IARS2: variants seen among roughly 807,000 people sequenced by gnomAD.
IARS2 encodes isoleucine--tRNA ligase, mitochondrial.
Under a neutral mutation model 126.3 loss-of-function variants are expected in IARS2, and 56 were observed. The observed-to-expected ratio is 0.44, with a 90% CI of 0.36 to 0.55. The LOEUF (loss-of-function observed/expected upper bound fraction) is 0.55. IARS2 is among the 20% of genes least tolerant of loss of function. The pLI is 0.00. For missense variants in IARS2, 1,127 were observed against 1,245.9 expected (o/e 0.90, Z 1.44); for synonymous variants, 407 against 441.1 (o/e 0.92, Z 0.97).
At position 220,102,170 on chromosome 1, in the gene IARS2, G is replaced by A. The variant is rs1656589985; in HGVS notation, c.592G>A (p.Ala198Thr). 2.5e-6 allele frequency: 4 copies of A among 1,610,608 alleles called. No homozygotes were observed. The highest frequency in any genetic ancestry group is 1.3e-5 in the African/African-American group (1 of 74,604). ...AKAAIEKQKS[A>T]FIRWGIMADW... ...AGCAGCCATTGAGAAACAGAAATCA[G>A]CATTTATTCGTTGGGGAATAATGGC... Residue 198 changes from alanine (A) to threonine (T), a missense_variant, in exon 4 of 23, where the codon GCA becomes ACA. Physicochemically the swap from Ala to Thr is moderately conservative, Grantham distance 58. Transcript: ENST00000366922.
chr1:220,108,600 C>T (rs1445273422), intron 10 of IARS2, among the ~76,000 whole-genome samples: 4 of 151,830 alleles, frequency 2.6e-5, no homozygotes, highest in African/African-American at 9.7e-5. Context: ...TTAGCCAGGA[C>T]GGTCTCGATC....
chr1:220,095,755 A>G (rs1020270607), intron 1 of IARS2, among the ~76,000 whole-genome samples: 2 of 152,220 alleles, frequency 1.3e-5, no homozygotes, highest in Non-Finnish European at 2.9e-5. Context: ...TGTGTCGGGA[A>G]TCTGCAGGTC....
chr1:220,102,550 A>G lies in IARS2; in HGVS notation c.805A>G (p.Ile269Val), dbSNP rs1656600011. 2 of 1,614,008 alleles carry G rather than the reference A, an allele frequency of 1.2e-6. No individual in the cohort carries two copies. The highest frequency in any genetic ancestry group is 1.3e-5 in the African/African-American group (1 of 75,060). The change falls in exon 6 of 23, where the codon ATA becomes GTA. Residue 269 changes from isoleucine to valine, a missense_variant. Ile to Val is a conservative substitution (Grantham distance 29). Coordinates refer to ENST00000366922, the MANE Select transcript of IARS2 (RefSeq NM_018060.4). The stretch of plus-strand genomic sequence containing the variant: ...TAATCCTGAGCATGTCAGTCGTTCA[A>G]TATATGTAAAATTTCCTCTCTTAAA... ...EYNPEHVSRSIYVKFPLLKPS... is the reference protein window; with the variant it reads ...EYNPEHVSRSVYVKFPLLKPS...
chr1:220,126,764 T>C lies in IARS2; in HGVS notation c.1758T>C (p.Asp586=). The change falls in exon 14 of 23, where the codon GAT becomes GAC. Residue 586 remains aspartate, a synonymous_variant. Coordinates refer to ENST00000366922, the MANE Select transcript of IARS2 (RefSeq NM_018060.4). Reference sequence around the variant, plus strand: ...TATCTTACTAGGTTGGTGGCCCTGATGCCTTGGAATATGTGCCAGGTCAGG... The same window carrying C: ...TATCTTACTAGGTTGGTGGCCCTGACGCCTTGGAATATGTGCCAGGTCAGG... ...KEVLSEVGGP[D]ALEYVPGQDI... 1 of 1,613,302 alleles carries C rather than the reference T, an allele frequency of 6.2e-7. No homozygotes were observed. Among genetic ancestry groups the C allele is most frequent in the Non-Finnish European group, 8.5e-7 (1 of 1,179,742 alleles).
intron 10 of IARS2, among the ~76,000 whole-genome samples, chr1:220,109,399 C>CAA (rs1181239421): frequency 1.8e-5 from 2 of 113,226 alleles, no homozygotes; most frequent in African/African-American, 3.5e-5. Context: ...GAGTCCATCT[C>CAA]AAAAAAAAAA....
At position 220,106,202 on chromosome 1, in the gene IARS2, GT is replaced by G. The variant is rs1369238387; in HGVS notation, c.1236+145del. On this transcript the variant is annotated intron_variant, in intron 9 of 22. Transcript: ENST00000366922. ...GCTCAGGTTTGTGTAGTACTCTAAAGTTTCATTAATTCGTACTAATTGAAAA... is the reference window on the plus strand; with the variant it reads ...GCTCAGGTTTGTGTAGTACTCTAAAGTTCATTAATTCGTACTAATTGAAAA... The G allele has an allele frequency of 1.8e-4, 111 of 601,440 alleles. No individual in the cohort carries two copies. The African/African-American group carries it at 1.9e-3, about 11-fold the overall frequency. 37.3% of individuals were successfully genotyped at this position (601,440 alleles called of 1,614,324 possible). A position where few individuals can be genotyped will look rare whatever the true frequency, so the allele number is the denominator to read the frequency against.
chr1:220,143,035 A>G lies in IARS2; in HGVS notation c.2652A>G (p.Ala884=), dbSNP rs997672660. The G allele has an allele frequency of 5.6e-6, 9 of 1,614,190 alleles. No individual in the cohort carries two copies. In the South Asian group the frequency reaches 9.9e-5, roughly 18 times the overall value. Residue 884 remains alanine, a synonymous_variant, in exon 21 of 23, where the codon GCA becomes GCG. Transcript: ENST00000366922. ...AAGAAGCTGTGGAGAGTGCGTGTGC[A>G]ATGCGAGACTCATTTCTTGGAAGCA... ...GLEEAVESAC[A]MRDSFLGSIP...
Position 220,108,460 on chromosome 1 carries a change from C to T in IARS2, c.1327+1309C>T, listed in dbSNP as rs185567998. 2.7e-4 allele frequency among the ~76,000 whole-genome samples: 41 copies of T among 151,968 alleles called. No homozygotes were observed. In the East Asian group the frequency reaches 7.1e-3, roughly 26 times the overall value. On this transcript the variant is annotated intron_variant, in intron 10 of 22. Transcript: ENST00000366922. ...GGAGTACAGTGGCACGATCTTGGCT[C>T]ACTGCAAGCTCTGCCTCCTGGGTTC...
At chr1:220,097,908 G>A (rs1277722471) in intron 2 of IARS2, among the ~76,000 whole-genome samples, 1 of 150,370 alleles carries the variant, frequency 6.7e-6, no homozygotes, top group Admixed American at 6.6e-5. Flanking sequence ...AGAGTCTCAC[G>A]CTGTCACCCA....
rs145033894 is a variant in IARS2, at chr1:220,134,489, C to T, written c.1925C>T (p.Ala642Val). 21 of 1,611,892 alleles carry T rather than the reference C, an allele frequency of 1.3e-5. No individual in the cohort carries two copies. The African/African-American group carries it at 2.7e-4, about 21-fold the overall frequency. Residue 642 changes from alanine to valine, a missense_variant, in exon 15 of 23, where the codon GCA (alanine) becomes GTA (valine). Coordinates refer to ENST00000366922, the MANE Select transcript of IARS2 (RefSeq NM_018060.4). Reference sequence around the variant, plus strand: ...TCATCCTTATTAACAAGTGTGGCAGCAAGGAAGAGAGCACCTTATAAGTAA... The same window carrying T: ...TCATCCTTATTAACAAGTGTGGCAGTAAGGAAGAGAGCACCTTATAAGTAA... ...FQSSLLTSVA[A>V]RKRAPYKTVI...
chr1:220,110,757 T>C (rs778403043), intron 10 of IARS2, 29 bp from the exon 11 acceptor site: 5 of 1,502,552 alleles, frequency 3.3e-6, no homozygotes, highest in Middle Eastern at 1.8e-4. Context: ...TTTTTAATTA[T>C]GTCTAATTTG....
In IARS2 at chr1:220,106,031, G is replaced by A. The variant is rs201122237; in HGVS notation, c.1207G>A (p.Gly403Ser). 47 of 1,613,822 alleles carry A rather than the reference G, an allele frequency of 2.9e-5. No individual in the cohort carries two copies. The highest frequency in any genetic ancestry group is 1.6e-4 in the Middle Eastern group (1 of 6,062). Residue 403 changes from glycine (G) to serine (S), a missense_variant, in exon 9 of 23, where the codon GGT (glycine) becomes AGT (serine). Gly to Ser is a moderately conservative substitution (Grantham distance 56, BLOSUM62 0). Coordinates refer to ENST00000366922, the MANE Select transcript of IARS2 (RefSeq NM_018060.4). ...TAPAHGMEDY[G>S]VASQHNLPMD... is the part of the protein sequence containing the mutation. The stretch of plus-strand genomic sequence containing the variant: ...CCCAGCTCATGGTATGGAAGACTAC[G>A]GTGTAGCGTCTCAGCACAACCTGCC...
intron 8 of IARS2, among the ~76,000 whole-genome samples, 166 bp from the exon 9 acceptor site, chr1:220,105,725 A>G (rs969388493): frequency 1.3e-5 from 2 of 152,210 alleles, no homozygotes; most frequent in African/African-American, 4.8e-5. Flanking sequence ...TCTGCATTTT[A>G]TAGATTATAG....
In IARS2 at chr1:220,143,080, T is replaced by C. The variant is rs199572573; in HGVS notation, c.2697T>C (p.Ala899=). ...FLGSIPGKNA[A]EYKVITVIEP... Reference sequence around the variant, plus strand: ...GAAGCATCCCTGGCAAAAATGCAGCTGAGTACAAGGTTATCACTGTGATAG... The same window carrying C: ...GAAGCATCCCTGGCAAAAATGCAGCCGAGTACAAGGTTATCACTGTGATAG... Residue 899 remains alanine, a synonymous_variant, in exon 21 of 23, where the codon GCT becomes GCC. Transcript: ENST00000366922. The C allele has an allele frequency of 1.9e-6, 3 of 1,614,080 alleles. No homozygotes were observed. Among genetic ancestry groups the C allele is most frequent in the African/African-American group, 1.3e-5 (1 of 74,944 alleles).
chr1:220,141,712 C>G, intron 19 of IARS2, 91 bp from the exon 20 acceptor site: 2 of 1,246,734 alleles, frequency 1.6e-6, no homozygotes, highest in Non-Finnish European at 2.3e-6. Flanking sequence ...GGATTAGCCA[C>G]TAGGAATAAA....
At chr1:220,103,905 A>C (rs1193840079) in intron 8 of IARS2, among the ~76,000 whole-genome samples, 1 of 152,374 alleles carries the variant, frequency 6.6e-6, no homozygotes, top group Admixed American at 6.5e-5. Flanking sequence ...TCGATACATA[A>C]TTTTAATAAA....
chr1:220,123,159 C>G (rs1443173232), intron 12 of IARS2, among the ~76,000 whole-genome samples: 4 of 151,016 alleles, frequency 2.6e-5, no homozygotes, highest in Non-Finnish European at 4.4e-5. Flanking sequence ...ATTTTCTTAA[C>G]TGAAAATGTT....
chr1:220,147,827 A>T lies in IARS2; in HGVS notation c.*192A>T. On this transcript the variant is annotated 3_prime_UTR_variant, in exon 23 of 23. Coordinates refer to ENST00000366922, the MANE Select transcript of IARS2 (RefSeq NM_018060.4). ...ACTATAGAAAGAATTATGTATATATACATGCAGAAATATATATGTGTGTGT... is the reference window on the plus strand; with the variant it reads ...ACTATAGAAAGAATTATGTATATATTCATGCAGAAATATATATGTGTGTGT... The T allele has an allele frequency of 1.7e-6, 1 of 586,566 alleles. No homozygotes were observed. The highest frequency in any genetic ancestry group is 2.8e-5 in the East Asian group (1 of 36,344). The allele number at this position is 586,566 out of a possible 1,614,324, so 36.3% of individuals were successfully genotyped here.
intron 10 of IARS2, among the ~76,000 whole-genome samples, chr1:220,108,218 C>T (rs1656720796): frequency 1.3e-5 from 2 of 151,886 alleles, no homozygotes; most frequent in Middle Eastern, 3.4e-3. Flanking sequence ...CACACCACTA[C>T]TCCTGGCTAA....
Sources: allele counts gnomAD v4.1 joint callset (sites outside exome capture counted in the v4.1 genomes callset), GRCh38; gene constraint gnomAD v4.1.1; transcripts MANE v1.5; gene names NCBI Gene and HGNC (gene_info 2026-07-23, HGNC 2026-07-21).